TSHR: variants seen among roughly 807,000 people sequenced by gnomAD.
The protein encoded by TSHR is thyrotropin receptor.
Under a neutral mutation model 64.1 loss-of-function variants are expected in TSHR, and 51 were observed. That is an observed-to-expected ratio of 0.80 (90% confidence interval 0.64 to 1.01). The LOEUF is 1.01. Among genes scored for constraint, TSHR ranks in the 50% least tolerant of loss-of-function variants. TSHR has a pLI of 0.00. For synonymous variants in TSHR, 361 were observed against 361.9 expected (o/e 1.00, Z 0.03); for missense variants, 877 against 942.8 (o/e 0.93, Z 0.91).
chr14:80,969,106 T>C (rs1887461801), intron 1 of TSHR, among the ~76,000 whole-genome samples: 1 of 152,202 alleles, frequency 6.6e-6, no homozygotes, highest in Non-Finnish European at 1.5e-5. Flanking sequence ...ATAGCATATG[T>C]TGGCTATTGA....
chr14:81,035,329 T>C (rs895210874), intron 1 of TSHR, among the ~76,000 whole-genome samples: 2 of 152,192 alleles, frequency 1.3e-5, no homozygotes, highest in African/African-American at 4.8e-5. Flanking sequence ...GAAGTGCCCA[T>C]GCCCTGCTCA....
At chr14:80,976,087 A>T (rs981896455) in intron 1 of TSHR, among the ~76,000 whole-genome samples, 19 of 152,006 alleles carry the variant, frequency 1.2e-4, no homozygotes, top group Middle Eastern at 6.8e-3. Context: ...AATTTTTTGT[A>T]TTTTTACTAG....
chr14:80,999,390 C>G (rs1191800669), intron 1 of TSHR, among the ~76,000 whole-genome samples: 3 of 152,144 alleles, frequency 2.0e-5, no homozygotes, highest in African/African-American at 7.2e-5. Flanking sequence ...GCTAAACATT[C>G]CAGGTTTTTC....
At chr14:81,141,663 C>T (rs1211245973) in intron 9 of TSHR, among the ~76,000 whole-genome samples, 2 of 152,168 alleles carry the variant, frequency 1.3e-5, no homozygotes, top group East Asian at 1.9e-4. Flanking sequence ...AATCCTAGCA[C>T]TTTGGGAGGC....
chr14:80,963,653 A>G (rs1887153731), intron 1 of TSHR, among the ~76,000 whole-genome samples: 1 of 152,238 alleles, frequency 6.6e-6, no homozygotes, highest in Non-Finnish European at 1.5e-5. Context: ...GGCAGATCTT[A>G]GCAAGTCTTA....
intron 1 of TSHR, chr14:81,032,427 C>T (rs1884395916): frequency 1.1e-5 from 3 of 268,788 alleles, no homozygotes; most frequent in African/African-American, 2.3e-5. Context: ...GTTCCAATCG[C>T]CTACCTTGCA....
intron 1 of TSHR, chr14:80,991,572 G>A (rs149749460): frequency 1.1e-4 from 45 of 398,538 alleles, no homozygotes; most frequent in African/African-American, 9.0e-4. Context: ...AAAAGTCTGG[G>A]AATTGGAGAT....
rs1891886013 is a variant in TSHR, at chr14:81,145,281, T to C, written c.*928T>C. 4.3e-6 allele frequency: 1 copy of C among 232,902 alleles called. No homozygotes were observed. The highest frequency in any genetic ancestry group is 8.5e-6 in the Non-Finnish European group (1 of 117,940). The allele number at this position is 232,902 out of a possible 1,614,324, so 14.4% of individuals were successfully genotyped here. On this transcript the variant is annotated 3_prime_UTR_variant, in exon 10 of 10. Transcript: ENST00000298171. ...CTAGTACATCCCTTTCCCTCAAATA[T>C]ATATTTCTAAGATAAAGAGAAAGAA... is the stretch of plus-strand genomic sequence containing the variant.
chr14:80,980,604 G>A (rs888867963), intron 1 of TSHR, among the ~76,000 whole-genome samples: 3 of 152,176 alleles, frequency 2.0e-5, no homozygotes, highest in African/African-American at 7.2e-5. Context: ...CCTGTAATAT[G>A]TGTAGATATT....
At chr14:81,078,535 G>A (rs974510922) in intron 3 of TSHR, among the ~76,000 whole-genome samples, 1 of 152,030 alleles carries the variant, frequency 6.6e-6, no homozygotes, top group South Asian at 2.1e-4. Context: ...CGAACTTCGT[G>A]GATTTATGGG....
At chr14:81,008,324 C>A (rs1889713842) in intron 1 of TSHR, among the ~76,000 whole-genome samples, 1 of 152,114 alleles carries the variant, frequency 6.6e-6, no homozygotes, top group African/African-American at 2.4e-5. Context: ...AGGCGCCCCC[C>A]ACCACGCCCG....
intron 8 of TSHR, among the ~76,000 whole-genome samples, chr14:81,125,241 C>T (rs1398018201): frequency 6.6e-6 from 1 of 152,034 alleles, no homozygotes; most frequent in Non-Finnish European, 1.5e-5. Context: ...AGCAGAATTG[C>T]AACAGACAGT....
chr14:81,085,343 A>C (rs1888213924), intron 3 of TSHR, among the ~76,000 whole-genome samples: 1 of 152,146 alleles, frequency 6.6e-6, no homozygotes, highest in African/African-American at 2.4e-5. Context: ...GCTTCAGGAG[A>C]TACTTTTCAA....
At chr14:80,976,297 T>C (rs1887873426) in intron 1 of TSHR, among the ~76,000 whole-genome samples, 1 of 152,198 alleles carries the variant, frequency 6.6e-6, no homozygotes, top group Non-Finnish European at 1.5e-5. Flanking sequence ...GAACAGGTTA[T>C]CCAGGATTCC....
intron 1 of TSHR, among the ~76,000 whole-genome samples, chr14:80,974,737 C>CA (rs1238992582): frequency 1.3e-5 from 2 of 151,890 alleles, no homozygotes; most frequent in African/African-American, 2.4e-5. Flanking sequence ...ATTTCATGAC[C>CA]AAAAAAATAG....
chr14:81,120,200 A>T (rs575806425), intron 8 of TSHR, among the ~76,000 whole-genome samples: 11 of 152,230 alleles, frequency 7.2e-5, no homozygotes, highest in Non-Finnish European at 1.5e-4. Flanking sequence ...ATAAAAAAAT[A>T]AAAAAGAATC....
rs553142999 is a variant in TSHR, at chr14:81,137,690, A to G, written c.693-1989A>G. The stretch of plus-strand genomic sequence containing the variant: ...GATCCATAAAACCTATGCTCATAAT[A>G]AAAAGATTGTTGCTTTATGCCACTT... On this transcript the variant is annotated intron_variant, in intron 8 of 9. Transcript: ENST00000298171. Among the ~76,000 whole-genome samples the G allele has an allele frequency of 4.7e-4, 71 of 152,364 alleles. 1 individual carries two copies. The Middle Eastern group carries it at 0.014, about 29-fold the overall frequency.
intron 1 of TSHR, among the ~76,000 whole-genome samples, chr14:81,042,269 C>T (rs1338541684): frequency 1.3e-5 from 2 of 152,106 alleles, no homozygotes; most frequent in African/African-American, 4.8e-5. Context: ...ATTATGTGAT[C>T]CAGCAAGCTC....
At chr14:81,123,321 G>A (rs1216384311) in intron 8 of TSHR, among the ~76,000 whole-genome samples, 1 of 152,100 alleles carries the variant, frequency 6.6e-6, no homozygotes, top group Non-Finnish European at 1.5e-5. Context: ...ATCATACATA[G>A]ACATGTGATG....
Sources: allele counts gnomAD v4.1 joint callset (sites outside exome capture counted in the v4.1 genomes callset), GRCh38; gene constraint gnomAD v4.1.1; transcripts MANE v1.5; gene names NCBI Gene and HGNC (gene_info 2026-07-23, HGNC 2026-07-21).